Variants in PRELID2 observed in about 807,000 individuals in gnomAD.
PRELID2 encodes PRELI domain-containing protein 2.
In PRELID2, 25 loss-of-function variants were observed where a neutral mutation model predicts 28.4. The ratio of observed to expected loss-of-function variants is 0.88; its 90% CI spans 0.64 to 1.23. The LOEUF (loss-of-function observed/expected upper bound fraction) is 1.23. Among genes scored for constraint, PRELID2 ranks in the 50% most tolerant of loss-of-function variants. The pLI is 0.00. For missense variants in PRELID2, 201 were observed against 214.4 expected (o/e 0.94, Z 0.39); for synonymous variants, 76 against 71.6 (o/e 1.06, Z -0.31).
chr5:145,381,848 A>G, the PRELID2 span, among the ~76,000 whole-genome samples: 1 of 152,162 alleles, frequency 6.6e-6, no homozygotes. Flanking sequence ...GTAAAGTATC[A>G]TCTACTGTGT....
At chr5:145,563,090 G>A (rs1164828071) in intron 1 of PRELID2, among the ~76,000 whole-genome samples, 4 of 152,186 alleles carry the variant, frequency 2.6e-5, no homozygotes, top group African/African-American at 9.7e-5. Context: ...CTCCAGGGGT[G>A]GGCACATGAT....
chr5:145,705,410 G>A (rs1430011221), intron 1 of PRELID2, among the ~76,000 whole-genome samples: 3 of 151,808 alleles, frequency 2.0e-5, no homozygotes, highest in Admixed American at 1.3e-4. Context: ...GACCATATTG[G>A]CCAGGCTGGT....
the PRELID2 span, among the ~76,000 whole-genome samples, chr5:145,452,659 C>T: frequency 2.6e-5 from 4 of 152,060 alleles, no homozygotes; most frequent in Admixed American, 2.6e-4. Flanking sequence ...CTGTGTGTAT[C>T]TTTTTAACGG....
intron 1 of PRELID2, among the ~76,000 whole-genome samples, chr5:145,695,299 C>T (rs1278389598): frequency 6.6e-6 from 1 of 152,094 alleles, no homozygotes; most frequent in Non-Finnish European, 1.5e-5. Flanking sequence ...TGCTTAAGTA[C>T]AGCAAAGAAC....
chr5:145,377,502 T>C, the PRELID2 span, among the ~76,000 whole-genome samples: 16 of 152,212 alleles, frequency 1.1e-4, no homozygotes, highest in Non-Finnish European at 2.2e-4. Context: ...CAAATCTAAG[T>C]CTTTTTTAAG....
chr5:145,325,460 T>A, the PRELID2 span, among the ~76,000 whole-genome samples: 1 of 152,190 alleles, frequency 6.6e-6, no homozygotes, highest in African/African-American at 2.4e-5. Flanking sequence ...AGGACAGAAT[T>A]TTATTTTATT....
intron 1 of PRELID2, among the ~76,000 whole-genome samples, chr5:145,484,703 A>T (rs1033828358): frequency 2.6e-5 from 4 of 152,318 alleles, no homozygotes; most frequent in Admixed American, 2.0e-4. Flanking sequence ...ACACAAATAC[A>T]CACACAAAAA....
rs553999177 is a variant in PRELID2 at position 145,672,521 on chromosome 5, C to T, written n.70+92410G>A. ...CTTGTGAAAAAAAAAAAAAAACAGC[C>T]ACTTCAAATGATGAGAGCCTATTTC... On this transcript the variant is annotated intron_variant and non_coding_transcript_variant, in intron 1 of 2. Transcript: ENST00000510259. 2.3e-3 allele frequency among the ~76,000 whole-genome samples: 341 copies of T among 150,776 alleles called. 2 individuals carry two copies. Among genetic ancestry groups the T allele is most frequent in the African/African-American group, 8.0e-3 (324 of 40,716 alleles).
chr5:145,453,765 TCATC>T, the PRELID2 span, among the ~76,000 whole-genome samples: 2 of 152,172 alleles, frequency 1.3e-5, no homozygotes, highest in African/African-American at 4.8e-5. Context: ...GTTTCCAGCT[TCATC>T]CATGCCCCTG....
chr5:145,488,553 G>GA (rs967555324), intron 1 of PRELID2, among the ~76,000 whole-genome samples: 1 of 151,966 alleles, frequency 6.6e-6, no homozygotes, highest in African/African-American at 2.4e-5. Flanking sequence ...GATTAAGATA[G>GA]AAAAAAAGAA....
chr5:145,595,021 A>G (rs952751578), intron 1 of PRELID2, among the ~76,000 whole-genome samples: 2 of 151,930 alleles, frequency 1.3e-5, no homozygotes, highest in African/African-American at 4.8e-5. Flanking sequence ...CCAGCTACTC[A>G]GGTGGCTGAG....
chr5:145,467,255 CCCACCAGCA>C (rs1481317091), downstream of PRELID2, among the ~76,000 whole-genome samples: 1 of 152,070 alleles, frequency 6.6e-6, no homozygotes, highest in Admixed American at 6.6e-5. Context: ...ACAACTCTAG[CCCACCAGCA>C]CTGGAAGCCT....
At chr5:145,778,345 A>G (rs1447103918) in intron 5 of PRELID2, among the ~76,000 whole-genome samples, 4 of 151,820 alleles carry the variant, frequency 2.6e-5, no homozygotes, top group African/African-American at 9.7e-5. Flanking sequence ...GGAGCTTCTC[A>G]CTCCAGGGTC....
intron 1 of PRELID2, among the ~76,000 whole-genome samples, chr5:145,567,479 G>A (rs1428427158): frequency 6.6e-6 from 1 of 152,142 alleles, no homozygotes; most frequent in African/African-American, 2.4e-5. Flanking sequence ...CTAGGTTCAA[G>A]TGATTCTCCT....
At chr5:145,668,911 G>A (rs566766295) in intron 1 of PRELID2, among the ~76,000 whole-genome samples, 1 of 152,184 alleles carries the variant, frequency 6.6e-6, no homozygotes, top group East Asian at 1.9e-4. Flanking sequence ...GTCCTGTTAA[G>A]GTCAGGTCCA....
chr5:145,248,243 G>T, the PRELID2 span, among the ~76,000 whole-genome samples: 4 of 152,118 alleles, frequency 2.6e-5, no homozygotes, highest in Admixed American at 6.6e-5. Context: ...ATGTATGGGG[G>T]AAAGAGGCCC....
chr5:145,416,583 A>T, the PRELID2 span, among the ~76,000 whole-genome samples: 1 of 152,150 alleles, frequency 6.6e-6, no homozygotes, highest in Non-Finnish European at 1.5e-5. Context: ...AGAAATCAGG[A>T]AGTTCTTTGA....
the PRELID2 span, among the ~76,000 whole-genome samples, chr5:145,348,471 A>G: frequency 5.9e-5 from 9 of 151,648 alleles, no homozygotes; most frequent in Admixed American, 2.6e-4. Context: ...AATTTCTCCC[A>G]CCCCCAGTAG....
chr5:145,348,014 C>T, the PRELID2 span, among the ~76,000 whole-genome samples: 3 of 152,044 alleles, frequency 2.0e-5, no homozygotes, highest in African/African-American at 7.2e-5. Context: ...CCTGAACAAG[C>T]AGGCAGTAAC....
Sources: gnomAD v4.1 joint callset for allele counts (sites outside exome capture counted in the v4.1 genomes callset) on GRCh38, gnomAD v4.1.1 for gene constraint, MANE v1.5 for transcripts, NCBI Gene and HGNC (gene_info 2026-07-23, HGNC 2026-07-21) for gene names.